Variants in DNHD1 observed in about 807,000 individuals in gnomAD.
DNHD1 encodes the protein dynein heavy chain domain 1.
DNHD1 carries 383 observed loss-of-function variants against 458.1 expected under a neutral mutation model. That is an observed-to-expected ratio of 0.84 (90% CI 0.77 to 0.91). The LOEUF (loss-of-function observed/expected upper bound fraction) is 0.91, where lower values mean the gene tolerates loss of function less well. DNHD1 is among the 40% of genes least tolerant of loss of function. DNHD1 has a pLI of 0.00. For synonymous variants in DNHD1, 2,203 were observed against 2,376.9 expected (o/e 0.93, Z 2.13); for missense variants, 5,336 against 5,866.1 (o/e 0.91, Z 2.95).
Position 6,505,110 on chromosome 11 carries a change from C to T in DNHD1, c.920+2184C>T, listed in dbSNP as rs1295557335. ...CCTCCCAAAGTGCTGGGATTACAGACGTGAGCCATTGCACCCGGCCCCATT... is the reference window on the plus strand; with the variant it reads ...CCTCCCAAAGTGCTGGGATTACAGATGTGAGCCATTGCACCCGGCCCCATT... On this transcript the variant is annotated intron_variant, in intron 4 of 42. Coordinates refer to ENST00000254579, the MANE Select transcript of DNHD1 (RefSeq NM_144666.3). The surrounding 1 kb of genome is among the most constrained non-coding windows in gnomAD (Gnocchi z 4.4). Among the ~76,000 whole-genome samples, 10 of 152,056 alleles carry T rather than the reference C, an allele frequency of 6.6e-5. No individual in the cohort carries two copies. Among genetic ancestry groups the T allele is most frequent in the Non-Finnish European group, 1.0e-4 (7 of 68,012 alleles).
At position 6,546,763 on chromosome 11, in the gene DNHD1, G is replaced by A. The variant is rs1229880985; in HGVS notation, c.5824G>A (p.Val1942Met). 1.5e-5 allele frequency: 24 copies of A among 1,551,694 alleles called. No homozygotes were observed. Among genetic ancestry groups the A allele is most frequent in the East Asian group, 1.2e-4 (5 of 40,932 alleles). Residue 1942 changes from valine (V) to methionine (M), a missense_variant, in exon 21 of 43, where the codon GTG becomes ATG. Val to Met is a conservative substitution (Grantham distance 21, BLOSUM62 1). Transcript: ENST00000254579. The part of the protein sequence containing the change: ...LCALFPSASQ[V>M]LAEPMTYKLM... The stretch of plus-strand genomic sequence containing the variant: ...TGCGCTTTTCCCTAGCGCCAGCCAA[G>A]TGCTGGCAGAACCTATGACTTACAA...
chr11:6,558,417 C>A, intron 25 of DNHD1, 68 bp from the exon 26 acceptor site: 1 of 1,541,350 alleles, frequency 6.5e-7, no homozygotes. Flanking sequence ...AGTGGTCTGG[C>A]TGGGACTGGG....
chr11:6,528,528 A>G lies in DNHD1; in HGVS notation c.1844A>G (p.Asp615Gly). 2 of 1,549,264 alleles carry G rather than the reference A, an allele frequency of 1.3e-6. No homozygotes were observed. The highest frequency in any genetic ancestry group is 2.4e-5 in the East Asian group (1 of 40,842). The stretch of plus-strand genomic sequence containing the variant: ...ATGGCCTGTGCTCCACTAGAAGAAG[A>G]TGAAGAGGAGGACTCAAAAGACGAA... Reference protein sequence around the residue: ...SSDSLYSEEEDEEEDSKDEFL... With the variant: ...SSDSLYSEEEGEEEDSKDEFL... The change falls in exon 11 of 43, where the codon GAT becomes GGT. Residue 615 changes from aspartate (D) to glycine (G), a missense_variant. Around this residue, in one of 4 missense-constraint regions of DNHD1, gnomAD observed 3,932 missense variants for 4,365.6 expected, o/e 0.90. Transcript: ENST00000254579.
intron 18 of DNHD1, 36 bp downstream of exon 18, chr11:6,540,119 C>G (rs1341369868): frequency 2.0e-6 from 3 of 1,526,466 alleles, no homozygotes; most frequent in Non-Finnish European, 1.8e-6. Context: ...TGAAAGCCCC[C>G]TGCTGGGGGC....
intron 25 of DNHD1, 94 bp downstream of exon 25, chr11:6,558,391 G>C: frequency 6.5e-7 from 1 of 1,535,298 alleles, no homozygotes. Context: ...CATGAGGGCT[G>C]AGAAGATTGG....
rs1484106133 is a variant in DNHD1 at position 6,498,570 on chromosome 11, C to G, written c.355C>G (p.Gln119Glu). ...GCTGTACTGCTGGGCACCCTGGGTCCAAACCCACCTCCATCTGGACCTGCT... is the reference window on the plus strand; with the variant it reads ...GCTGTACTGCTGGGCACCCTGGGTCGAAACCCACCTCCATCTGGACCTGCT... ...EQLYCWAPWV[Q>E]THLHLDLLGA... The change falls in exon 3 of 43, where the codon CAA (glutamine) becomes GAA (glutamate). Residue 119 changes from glutamine to glutamate, a missense_variant. Physicochemically the swap from Gln to Glu is conservative, Grantham distance 29. Around this residue, in one of 4 missense-constraint regions of DNHD1, gnomAD observed 3,932 missense variants for 4,365.6 expected, o/e 0.90. Transcript: ENST00000254579. The G allele has an allele frequency of 6.2e-7, 1 of 1,614,222 alleles. No individual in the cohort carries two copies.
intron 3 of DNHD1, among the ~76,000 whole-genome samples, chr11:6,499,870 T>C (rs1852100333): frequency 6.6e-6 from 1 of 151,866 alleles, no homozygotes; most frequent in African/African-American, 2.4e-5. Flanking sequence ...CCGGCCCTAT[T>C]GTTTTCTTTT....
chr11:6,512,263 C>A (rs1456207734), intron 7 of DNHD1, among the ~76,000 whole-genome samples: 1 of 135,630 alleles, frequency 7.4e-6, no homozygotes, highest in African/African-American at 2.9e-5. Context: ...CTCTGTCACC[C>A]AGGCTGGAGT....
At chr11:6,568,308 C>T in intron 37 of DNHD1, 66 bp downstream of exon 37, 2 of 1,529,304 alleles carry the variant, frequency 1.3e-6, no homozygotes, top group South Asian at 2.5e-5. Context: ...CTTGAAATCT[C>T]AGGCCTCATG....
Position 6,567,316 on chromosome 11 carries a change from C to T in DNHD1, c.11807C>T (p.Ala3936Val), listed in dbSNP as rs1853728932. 3 of 1,613,964 alleles carry T rather than the reference C, an allele frequency of 1.9e-6. No individual in the cohort carries two copies. Among genetic ancestry groups the T allele is most frequent in the Non-Finnish European group, 1.7e-6 (2 of 1,179,910 alleles). Reference protein sequence around the residue: ...LGLTQVPLVGALGALALLQAT... With the variant: ...LGLTQVPLVGVLGALALLQAT... The stretch of plus-strand genomic sequence containing the variant: ...CTTACCCAAGTACCCTTGGTGGGTG[C>T]ATTGGGCGCTTTGGCTCTGCTGCAA... The change falls in exon 36 of 43, where the codon GCA becomes GTA. Residue 3936 changes from alanine (A) to valine (V), a missense_variant. Ala to Val is a moderately conservative substitution (Grantham distance 64). Transcript: ENST00000254579.
chr11:6,545,102 T>C lies in DNHD1; in HGVS notation c.4163T>C (p.Phe1388Ser). 6.4e-7 allele frequency: 1 copy of C among 1,552,100 alleles called. No individual in the cohort carries two copies. The highest frequency in any genetic ancestry group is 8.7e-7 in the Non-Finnish European group (1 of 1,147,076). Residue 1388 changes from phenylalanine to serine, a missense_variant, in exon 21 of 43, where the codon TTT becomes TCT. Physicochemically the swap from Phe to Ser is radical, Grantham distance 155 (BLOSUM62 -2). Transcript: ENST00000254579. The surrounding 1 kb of genome is among the most constrained non-coding windows in gnomAD (Gnocchi z 4.9). ...CEAQLWVRRC[F>S]PHVHAVSFRS... ...GCCCAGCTATGGGTACGACGCTGCT[T>C]TCCTCATGTGCATGCTGTGAGCTTC...
intron 4 of DNHD1, among the ~76,000 whole-genome samples, chr11:6,507,842 G>C (rs1055291263): frequency 2.6e-5 from 4 of 152,184 alleles, no homozygotes; most frequent in Non-Finnish European, 4.4e-5. Flanking sequence ...GGGGATATGA[G>C]TACTATACTT....
In DNHD1 at chr11:6,563,683, A is replaced by T. The variant is rs1474365740; in HGVS notation, c.9853-10A>T. On this transcript the variant is annotated splice_polypyrimidine_tract_variant and intron_variant, in intron 30 of 42. Transcript: ENST00000254579. ...TGGCTTCCCCATCCCGTTAACATAC[A>T]TCCTTCCAGGAGCTGGTGTTCTTCC... 6.5e-7 allele frequency: 1 copy of T among 1,544,194 alleles called. No homozygotes were observed. Among genetic ancestry groups the T allele is most frequent in the African/African-American group, 1.4e-5 (1 of 73,080 alleles).
rs368143087 is a variant in DNHD1 at position 6,557,726 on chromosome 11, C to T, written c.8431C>T (p.His2811Tyr). Residue 2811 changes from histidine to tyrosine, a missense_variant, in exon 25 of 43, where the codon CAT becomes TAT. By Grantham distance (83) the His-to-Tyr change is moderately conservative. Transcript: ENST00000254579. Reference sequence around the variant, plus strand: ...CTTGTTGTTACCAGTGTTACTACTACATCCCCAGGAAAAGCCCTCAGACCT... The same window carrying T: ...CTTGTTGTTACCAGTGTTACTACTATATCCCCAGGAAAAGCCCTCAGACCT... The part of the protein sequence containing the change: ...SPLLLPVLLL[H>Y]PQEKPSDLVF... The T allele has an allele frequency of 1.3e-6, 2 of 1,551,640 alleles. No individual in the cohort carries two copies. The highest frequency in any genetic ancestry group is 1.4e-5 in the African/African-American group (1 of 73,054).
Position 6,570,690 on chromosome 11 carries a change from G to T in DNHD1, c.13178G>T (p.Arg4393Leu). 1 of 1,611,532 alleles carries T rather than the reference G, an allele frequency of 6.2e-7. No individual in the cohort carries two copies. The highest frequency in any genetic ancestry group is 8.5e-7 in the Non-Finnish European group (1 of 1,178,894). The change falls in exon 42 of 43, where the codon CGG (arginine) becomes CTG (leucine). Residue 4393 changes from arginine to leucine, a missense_variant. Coordinates refer to ENST00000254579, the MANE Select transcript of DNHD1 (RefSeq NM_144666.3). ...CTACTGCCCTCACCACCTGAACCCCGGCTCTGCGGACTGAGTGAGGGCCCC... is the reference window on the plus strand; with the variant it reads ...CTACTGCCCTCACCACCTGAACCCCTGCTCTGCGGACTGAGTGAGGGCCCC... ...MHLLPSPPEP[R>L]LCGLSEGPQA...
chr11:6,528,822 C>T (rs1852768809), intron 11 of DNHD1, 35 bp downstream of exon 11: 1 of 1,549,844 alleles, frequency 6.5e-7, no homozygotes, highest in African/African-American at 1.4e-5. Flanking sequence ...GGGCGCTGCC[C>T]ACCAATTCCC....
intron 3 of DNHD1, among the ~76,000 whole-genome samples, chr11:6,499,567 T>C (rs1188586252): frequency 6.6e-6 from 1 of 152,132 alleles, no homozygotes; most frequent in African/African-American, 2.4e-5. Flanking sequence ...TGTTTCTTTC[T>C]TTCTTTCTTT....
chr11:6,530,399 T>C (rs931086713), intron 12 of DNHD1, among the ~76,000 whole-genome samples: 12 of 152,196 alleles, frequency 7.9e-5, no homozygotes, highest in Admixed American at 3.9e-4. Flanking sequence ...TATTGTGTAC[T>C]AGCTAGTGCC....
chr11:6,558,544 C>T lies in DNHD1; in HGVS notation c.9062C>T (p.Ala3021Val), dbSNP rs1012042269. The T allele has an allele frequency of 1.0e-5, 16 of 1,551,610 alleles. No homozygotes were observed. Among genetic ancestry groups the T allele is most frequent in the Non-Finnish European group, 1.3e-5 (15 of 1,147,004 alleles). Residue 3021 changes from alanine (A) to valine (V), a missense_variant, in exon 26 of 43, where the codon GCC becomes GTC. Ala to Val is a moderately conservative substitution (Grantham distance 64). Transcript: ENST00000254579. ...TTCTTCCTGATTGGAGATAAACAGG[C>T]CCACAAGCAGCTGCCCTCCACCCTT... ...HLFFLIGDKQ[A>V]HKQLPSTLFL...
Sources: allele counts gnomAD v4.1 joint callset (sites outside exome capture counted in the v4.1 genomes callset), GRCh38; gene constraint gnomAD v4.1.1; regional missense constraint gnomAD v4.1.1; non-coding constraint Gnocchi (gnomAD v3.1); transcripts MANE v1.5; gene names NCBI Gene and HGNC (gene_info 2026-07-23, HGNC 2026-07-21).